Variants in PCDH9 observed in about 807,000 individuals in gnomAD.
PCDH9 encodes protocadherin 9.
Under a neutral mutation model 70.6 loss-of-function variants are expected in PCDH9, and 24 were observed. The ratio of observed to expected loss-of-function variants is 0.34; its 90% CI spans 0.25 to 0.48. The LOEUF (loss-of-function observed/expected upper bound fraction) is 0.48, where lower values mean the gene tolerates loss of function less well. PCDH9 is among the 20% of genes least tolerant of loss of function. The pLI is 0.99. For missense variants in PCDH9, 1,281 were observed against 1,503.6 expected, an observed-to-expected ratio of 0.85 and a Z score of 2.45; for synonymous variants, 562 against 558.5, an observed-to-expected ratio of 1.01 and a Z score of -0.09.
chr13:67,050,561 T>G (rs1310912100), intron 2 of PCDH9, among the ~76,000 whole-genome samples: 1 of 152,192 alleles, frequency 6.6e-6, no homozygotes, highest in East Asian at 1.9e-4. Context: ...ATCACAAGCT[T>G]ACTCATCTAT....
chr13:66,654,629 A>T (rs1156890489), intron 3 of PCDH9, among the ~76,000 whole-genome samples: 1 of 152,174 alleles, frequency 6.6e-6, no homozygotes, highest in Non-Finnish European at 1.5e-5. Flanking sequence ...AAAAATTAAA[A>T]ATTAAATACT....
chr13:67,026,720 A>G (rs12861499), intron 2 of PCDH9, among the ~76,000 whole-genome samples: 4 of 152,102 alleles, frequency 2.6e-5, no homozygotes, highest in Admixed American at 2.6e-4. Flanking sequence ...GCAAAGTCTC[A>G]GGATACAAAA....
intron 4 of PCDH9, among the ~76,000 whole-genome samples, chr13:66,543,750 A>G (rs896342162): frequency 3.9e-5 from 6 of 152,226 alleles, no homozygotes; most frequent in African/African-American, 1.4e-4. Context: ...ACCATGCAGT[A>G]TAAACAAATC....
At chr13:66,965,582 T>A (rs1383570375) in intron 2 of PCDH9, among the ~76,000 whole-genome samples, 1 of 152,128 alleles carries the variant, frequency 6.6e-6, no homozygotes, top group Non-Finnish European at 1.5e-5. Context: ...CCTTTTCTTT[T>A]ATTTATATTA....
chr13:66,341,115 TTTTTA>T, intron 4 of PCDH9, among the ~76,000 whole-genome samples: 1 of 152,210 alleles, frequency 6.6e-6, no homozygotes, highest in Non-Finnish European at 1.5e-5. Flanking sequence ...TTTTATTTAT[TTTTTA>T]TTTTATTTAT....
At chr13:66,726,804 T>C (rs919794442) in intron 3 of PCDH9, among the ~76,000 whole-genome samples, 21 of 152,236 alleles carry the variant, frequency 1.4e-4, no homozygotes, top group Admixed American at 1.4e-3. Flanking sequence ...CTTGCATAGA[T>C]TTAATCAACT....
chr13:66,914,226 A>T (rs1347847802), intron 2 of PCDH9, among the ~76,000 whole-genome samples: 1 of 151,942 alleles, frequency 6.6e-6, no homozygotes, highest in East Asian at 1.9e-4. Context: ...GTTTCTTCTT[A>T]TAGGTCTGGG....
At chr13:66,894,114 A>G (rs1227278262) in intron 3 of PCDH9, among the ~76,000 whole-genome samples, 1 of 152,182 alleles carries the variant, frequency 6.6e-6, no homozygotes, top group East Asian at 1.9e-4. Context: ...TCTCTCATGC[A>G]TAAGATTCTG....
chr13:66,384,589 C>T (rs1288558167), intron 4 of PCDH9, among the ~76,000 whole-genome samples: 1 of 152,170 alleles, frequency 6.6e-6, no homozygotes, highest in African/African-American at 2.4e-5. Context: ...TAATACAATA[C>T]TGTAACTGTA....
chr13:66,630,684 T>C (rs1398009909), intron 4 of PCDH9: 2 of 143,682 alleles, frequency 1.4e-5, no homozygotes, highest in Admixed American at 7.5e-5. Context: ...CTCTTCACAC[T>C]TGTTTTAATC....
At chr13:66,362,855 T>C (rs1051542808) in intron 4 of PCDH9, among the ~76,000 whole-genome samples, 4 of 152,164 alleles carry the variant, frequency 2.6e-5, no homozygotes, top group African/African-American at 9.6e-5. Context: ...ACAAGGCACA[T>C]ACTTTATCTC....
intron 2 of PCDH9, among the ~76,000 whole-genome samples, chr13:67,020,891 A>G (rs1178457262): frequency 6.6e-6 from 1 of 152,224 alleles, no homozygotes. Context: ...ATCTGAATAT[A>G]TGAGATTTCT....
At chr13:66,439,744 T>C (rs1957940205) in intron 4 of PCDH9, among the ~76,000 whole-genome samples, 1 of 152,174 alleles carries the variant, frequency 6.6e-6, no homozygotes, top group Non-Finnish European at 1.5e-5. Flanking sequence ...ACGGTATGTA[T>C]AAATTACACA....
chr13:66,440,229 A>G (rs1957948074), intron 4 of PCDH9, among the ~76,000 whole-genome samples: 1 of 152,160 alleles, frequency 6.6e-6, no homozygotes, highest in Non-Finnish European at 1.5e-5. Context: ...AACATTTTGC[A>G]CTTTTATCAT....
intron 2 of PCDH9, chr13:67,221,482 G>C (rs1289710653): frequency 6.6e-6 from 1 of 151,938 alleles, no homozygotes; most frequent in African/African-American, 2.4e-5. Context: ...TCAATATATA[G>C]AAAAATATAT....
rs371247953 is a variant in PCDH9, at chr13:66,422,277, G to A, written c.3341-117249C>T. ...AGACAGAAAATTAACAAGGATATTCGGGACTTCAATTCAGCTCTGGACCAA... is the reference window on the plus strand; with the variant it reads ...AGACAGAAAATTAACAAGGATATTCAGGACTTCAATTCAGCTCTGGACCAA... On this transcript the variant is annotated intron_variant, in intron 4 of 4. Transcript: ENST00000377865. 1.1e-4 allele frequency among the ~76,000 whole-genome samples: 16 copies of A among 152,056 alleles called. No homozygotes were observed. In the East Asian group the frequency reaches 1.4e-3, roughly 13 times the overall value.
At chr13:66,444,730 T>A (rs2138410924) in intron 4 of PCDH9, among the ~76,000 whole-genome samples, 1 of 152,008 alleles carries the variant, frequency 6.6e-6, no homozygotes, top group East Asian at 1.9e-4. Context: ...CTGGCTAATT[T>A]TTGTATTTTT....
intron 4 of PCDH9, among the ~76,000 whole-genome samples, chr13:66,414,738 C>T (rs1957433629): frequency 6.6e-6 from 1 of 152,140 alleles, no homozygotes. Context: ...ATTCTTCTCA[C>T]AATAATTTGT....
chr13:67,074,098 TTATCTATC>T lies in PCDH9; in HGVS notation c.3036+151299_3036+151306del, dbSNP rs142323334. On this transcript the variant is annotated intron_variant, in intron 2 of 4. Transcript: ENST00000377865. ...TGTTTATTATCTATCTGTCTGTCTA[TTATCTATC>T]TATCTATCTATCTATCTGTCTATCT... Among the ~76,000 whole-genome samples, 301 of 151,518 alleles carry T rather than the reference TTATCTATC, an allele frequency of 2.0e-3. 1 individual carries two copies. Among genetic ancestry groups the T allele is most frequent in the Middle Eastern group, 0.017 (5 of 290 alleles).
Sources: allele counts gnomAD v4.1 joint callset (sites outside exome capture counted in the v4.1 genomes callset), GRCh38; gene constraint gnomAD v4.1.1; transcripts MANE v1.5; gene names NCBI Gene and HGNC (gene_info 2026-07-23, HGNC 2026-07-21).